Variants in PLAUR observed in about 807,000 individuals in gnomAD.
PLAUR encodes the protein plasminogen activator, urokinase receptor.
A neutral mutation model predicts 33.4 loss-of-function variants in PLAUR; 22 were observed. The observed-to-expected ratio is 0.66, with a 90% CI of 0.47 to 0.94. The LOEUF (loss-of-function observed/expected upper bound fraction) is 0.94. Ranked by LOEUF, PLAUR falls within the 40% of genes least tolerant of loss-of-function variation. The pLI is 0.00. For missense variants in PLAUR, 408 were observed against 434.7 expected (o/e 0.94, Z 0.55); for synonymous variants, 148 against 167.3 (o/e 0.88, Z 0.89).
At position 43,653,467 on chromosome 19, in the gene PLAUR, G is replaced by A. The variant is rs112641661; in HGVS notation, c.608-1096C>T. On this transcript the variant is annotated intron_variant, in intron 5 of 6. Coordinates refer to ENST00000340093, the MANE Select transcript of PLAUR (RefSeq NM_002659.4). Reference sequence around the variant, plus strand: ...CTAAGGGAGGATATTCATCTGCAAGGGCCATGAGACCAGATGGGCTTTGGT... The same window carrying A: ...CTAAGGGAGGATATTCATCTGCAAGAGCCATGAGACCAGATGGGCTTTGGT... 6.2e-3 allele frequency among the ~76,000 whole-genome samples: 942 copies of A among 152,290 alleles called. 11 individuals are homozygous for A. The highest frequency in any genetic ancestry group is 0.021 in the African/African-American group (879 of 41,550).
intron 2 of PLAUR, 36 bp downstream of exon 2, chr19:43,667,545 G>A (rs771180744): frequency 7.1e-7 from 1 of 1,407,364 alleles, no homozygotes; most frequent in South Asian, 1.1e-5. Context: ...GTTCCATGCT[G>A]CGCTGGAGGG....
chr19:43,666,182 C>T (rs1489625598), intron 2 of PLAUR, among the ~76,000 whole-genome samples: 1 of 152,144 alleles, frequency 6.6e-6, no homozygotes, highest in Non-Finnish European at 1.5e-5. Flanking sequence ...TCTGCCTTAG[C>T]CTCCTGAGTA....
intron 3 of PLAUR, among the ~76,000 whole-genome samples, chr19:43,662,355 G>C (rs111945639): frequency 1.3e-5 from 2 of 151,984 alleles, no homozygotes; most frequent in Non-Finnish European, 2.9e-5. Flanking sequence ...AAAATTAGCC[G>C]GGCATGGTGG....
At chr19:43,649,177 C>G (rs755950972) in intron 6 of PLAUR, 34 bp from the exon 7 acceptor site, 1 of 1,593,302 alleles carries the variant, frequency 6.3e-7, no homozygotes, top group Non-Finnish European at 8.6e-7. Context: ...AGACTTCCAG[C>G]TCCTGGGCCC....
intron 6 of PLAUR, among the ~76,000 whole-genome samples, chr19:43,649,804 C>T (rs924451918): frequency 3.9e-5 from 6 of 152,028 alleles, no homozygotes; most frequent in Admixed American, 3.9e-4. Flanking sequence ...TCAGGGACCC[C>T]AGAGACCCTT....
At chr19:43,668,797 C>T (rs1600148117) in intron 1 of PLAUR, among the ~76,000 whole-genome samples, 3 of 151,916 alleles carry the variant, frequency 2.0e-5, no homozygotes, top group African/African-American at 7.2e-5. Context: ...GGTTACGCCT[C>T]GAGGTTATAA....
In PLAUR at chr19:43,648,801, G is replaced by T. The variant is rs963793016; in HGVS notation, c.*89C>A. The T allele has an allele frequency of 7.2e-7, 1 of 1,394,262 alleles. No homozygotes were observed. Among genetic ancestry groups the T allele is most frequent in the Non-Finnish European group, 9.9e-7 (1 of 1,011,566 alleles). The allele number at this position is 1,394,262 out of a possible 1,614,324, so 86.4% of individuals were successfully genotyped here. A position where few individuals can be genotyped will look rare whatever the true frequency, so the allele number is the denominator to read the frequency against. On this transcript the variant is annotated 3_prime_UTR_variant, in exon 7 of 7. Coordinates refer to ENST00000340093, the MANE Select transcript of PLAUR (RefSeq NM_002659.4). ...AGAGAGGTCGGCACACTGGCCTGAGGTCACACAGCAAGTCTGTAGGGCTGG... is the reference window on the plus strand; with the variant it reads ...AGAGAGGTCGGCACACTGGCCTGAGTTCACACAGCAAGTCTGTAGGGCTGG...
chr19:43,656,404 T>G, intron 4 of PLAUR, 75 bp downstream of exon 4: 2 of 1,331,772 alleles, frequency 1.5e-6, no homozygotes, highest in East Asian at 5.0e-5. Flanking sequence ...CCTGTTACTT[T>G]GGGGTTGTTT....
downstream of PLAUR, chr19:43,646,531 T>C: frequency 1.4e-6 from 1 of 717,792 alleles, no homozygotes; most frequent in Non-Finnish European, 2.6e-6. Flanking sequence ...GGCAACCAGC[T>C]TCCCCAGAGT....
intron 1 of PLAUR, chr19:43,668,348 T>C (rs893860427): frequency 1.0e-6 from 1 of 974,766 alleles, no homozygotes; most frequent in Non-Finnish European, 1.2e-6. Context: ...TCCAGACTCA[T>C]CGTCGAGGTT....
At chr19:43,649,522 AGAGT>A (rs970023842) in intron 6 of PLAUR, among the ~76,000 whole-genome samples, 11 of 141,900 alleles carry the variant, frequency 7.8e-5, no homozygotes, top group African/African-American at 2.5e-4. Flanking sequence ...CCTGGGTAAC[AGAGT>A]GAGACCCTGT....
intron 1 of PLAUR, among the ~76,000 whole-genome samples, chr19:43,668,745 T>G (rs1967387285): frequency 6.7e-6 from 1 of 148,560 alleles, no homozygotes; most frequent in Admixed American, 6.7e-5. Context: ...AAGAGTCTAG[T>G]CCCACCTTCT....
intron 6 of PLAUR, among the ~76,000 whole-genome samples, chr19:43,650,008 C>CTTTTTTTTTT (rs200384971): frequency 2.2e-5 from 3 of 137,304 alleles, no homozygotes; most frequent in African/African-American, 3.1e-5. Flanking sequence ...TCTCATTACG[C>CTTTTTTTTTT]TTTTTTTTTG....
intron 1 of PLAUR, chr19:43,668,217 T>A: frequency 1.0e-6 from 1 of 987,290 alleles, no homozygotes; most frequent in Non-Finnish European, 1.2e-6. Context: ...GGCCCACTAA[T>A]TTATTCCCAA....
intron 3 of PLAUR, among the ~76,000 whole-genome samples, chr19:43,664,305 A>G (rs576709534): frequency 6.6e-6 from 1 of 152,198 alleles, no homozygotes; most frequent in Non-Finnish European, 1.5e-5. Context: ...GTCACCAACC[A>G]TGACTAGACT....
chr19:43,647,615 T>C (rs1973844972), downstream of PLAUR, among the ~76,000 whole-genome samples: 4 of 152,074 alleles, frequency 2.6e-5, no homozygotes, highest in Admixed American at 1.3e-4. Flanking sequence ...GAGACCAGCC[T>C]GAACAACATG....
At chr19:43,659,289 G>A (rs1974343534) in intron 3 of PLAUR, among the ~76,000 whole-genome samples, 1 of 149,242 alleles carries the variant, frequency 6.7e-6, no homozygotes, top group Non-Finnish European at 1.5e-5. Flanking sequence ...GAGTAGCTGA[G>A]ACTACAGGCA....
chr19:43,653,050 C>T (rs932990072), intron 5 of PLAUR, among the ~76,000 whole-genome samples: 11 of 152,050 alleles, frequency 7.2e-5, no homozygotes, highest in African/African-American at 1.2e-4. Flanking sequence ...TGGCCTCAGG[C>T]GACCCTCCCG....
At chr19:43,647,456 G>T (rs1973842813), downstream of PLAUR, among the ~76,000 whole-genome samples, 1 of 152,202 alleles carries the variant, frequency 6.6e-6, no homozygotes, top group African/African-American at 2.4e-5. Flanking sequence ...AAGTTTAGGA[G>T]AAGACTAGAA....
Sources: gnomAD v4.1 joint callset for allele counts (sites outside exome capture counted in the v4.1 genomes callset) on GRCh38, gnomAD v4.1.1 for gene constraint, MANE v1.5 for transcripts, NCBI Gene and HGNC (gene_info 2026-07-23, HGNC 2026-07-21) for gene names.